The following FAM135B variants were observed in gnomAD, a reference collection of about 807,000 sequenced individuals.
FAM135B encodes the protein family with sequence similarity 135 member B.
FAM135B carries 43 observed loss-of-function variants against 127.7 expected under a neutral mutation model. The ratio of observed to expected loss-of-function variants is 0.34; its 90% CI spans 0.26 to 0.43. The LOEUF (loss-of-function observed/expected upper bound fraction) is 0.43, where lower values mean the gene tolerates loss of function less well. Among genes scored for constraint, FAM135B ranks in the 20% least tolerant of loss-of-function variants. The probability of loss-of-function intolerance (pLI) is 1.00; values close to 1 mark genes in which losing one functional copy is unlikely to be tolerated. For missense variants in FAM135B, 1,558 were observed against 1,725.6 expected (o/e 0.90, Z 1.72); for synonymous variants, 670 against 665.1 (o/e 1.01, Z -0.11).
Position 138,242,390 on chromosome 8 carries a change from T to G in FAM135B, c.669+552A>C, listed in dbSNP as rs1205882086. On this transcript the variant is annotated intron_variant, in intron 7 of 19. Transcript: ENST00000395297. This position sits in a 1 kb window ranked among gnomAD's most constrained non-coding sequence, Gnocchi z 9.6. Reference sequence around the variant, plus strand: ...CACATCACAGAAGAGCAGGGGATGTTTCCTAGGATAAAAGAACAAGGGGAA... The same window carrying G: ...CACATCACAGAAGAGCAGGGGATGTGTCCTAGGATAAAAGAACAAGGGGAA... 2.0e-5 allele frequency among the ~76,000 whole-genome samples: 3 copies of G among 152,166 alleles called. No individual in the cohort carries two copies. Among genetic ancestry groups the G allele is most frequent in the South Asian group, 4.1e-4 (2 of 4,820 alleles).
intron 9 of FAM135B, among the ~76,000 whole-genome samples, chr8:138,192,636 C>A (rs999714820): frequency 1.3e-5 from 2 of 152,164 alleles, no homozygotes; most frequent in Non-Finnish European, 2.9e-5. Context: ...GGAACAGACT[C>A]AGCGCAAGAG....
chr8:138,324,364 T>C (rs1313133722), intron 2 of FAM135B, among the ~76,000 whole-genome samples: 1 of 152,228 alleles, frequency 6.6e-6, no homozygotes, highest in Non-Finnish European at 1.5e-5. Context: ...GAGGAATTCC[T>C]TAAAAGAAAG....
intron 1 of FAM135B, among the ~76,000 whole-genome samples, chr8:138,378,734 CT>C (rs113152854): frequency 0.047 from 6,922 of 146,570 alleles, 282 homozygotes; most frequent in East Asian, 0.16. Context: ...TGTATGTTTG[CT>C]TTTTTTTTTT....
intron 1 of FAM135B, among the ~76,000 whole-genome samples, chr8:138,388,331 T>A (rs559922286): frequency 3.9e-5 from 6 of 152,332 alleles, no homozygotes; most frequent in African/African-American, 1.4e-4. Context: ...GGAAGACATT[T>A]TGACAGTTTT....
chr8:138,320,223 G>A, intron 2 of FAM135B, among the ~76,000 whole-genome samples: 1 of 152,144 alleles, frequency 6.6e-6, no homozygotes. Context: ...ATGAATACAG[G>A]CTTTCAAATT....
chr8:138,149,647 CTCA>C lies in FAM135B; in HGVS notation c.3282-964_3282-962del, dbSNP rs375306197. Among the ~76,000 whole-genome samples, 405 of 151,750 alleles carry C rather than the reference CTCA, an allele frequency of 2.7e-3. 2 individuals carry two copies. The highest frequency in any genetic ancestry group is 9.2e-3 in the African/African-American group (380 of 41,372). ...TTTCTTGTTATTATCTGTTATTAGC[CTCA>C]TCATCATCATCATCATCATCACCAT... is the stretch of plus-strand genomic sequence containing the variant. On this transcript the variant is annotated intron_variant, in intron 13 of 19. Coordinates refer to ENST00000395297, the MANE Select transcript of FAM135B (RefSeq NM_015912.4).
At position 138,241,419 on chromosome 8, in the gene FAM135B, C is replaced by T. The variant is rs554154133; in HGVS notation, c.669+1523G>A. Among the ~76,000 whole-genome samples, 9 of 152,276 alleles carry T rather than the reference C, an allele frequency of 5.9e-5. No individual in the cohort carries two copies. In the South Asian group the frequency reaches 8.3e-4, roughly 14 times the overall value. On this transcript the variant is annotated intron_variant, in intron 7 of 19. Coordinates refer to ENST00000395297, the MANE Select transcript of FAM135B (RefSeq NM_015912.4). This position sits in a 1 kb window ranked among gnomAD's most constrained non-coding sequence, Gnocchi z 4.8. ...AGAACCCCATTCTGGCTTCAGGTCC[C>T]CTCAGCAGGTTCTTGACAACTCTTT...
At chr8:138,396,679 G>T (rs1832872256) in intron 1 of FAM135B, among the ~76,000 whole-genome samples, 1 of 152,120 alleles carries the variant, frequency 6.6e-6, no homozygotes, top group Admixed American at 6.6e-5. Flanking sequence ...CCTAATAATT[G>T]GGATGCAGAT....
chr8:138,474,420 A>G (rs1814275550), intron 1 of FAM135B, among the ~76,000 whole-genome samples: 1 of 152,220 alleles, frequency 6.6e-6, no homozygotes, highest in Non-Finnish European at 1.5e-5. Flanking sequence ...TCAAGAGTTC[A>G]GTATAGACAC....
At chr8:138,145,592 G>T (rs1467376600) in intron 15 of FAM135B, among the ~76,000 whole-genome samples, 1 of 152,148 alleles carries the variant, frequency 6.6e-6, no homozygotes, top group Non-Finnish European at 1.5e-5. Context: ...CTATACCTCT[G>T]TGTACTGCAT....
intron 3 of FAM135B, 113 bp downstream of exon 3, chr8:138,310,728 A>G (rs1297317001): frequency 1.1e-6 from 1 of 919,066 alleles, no homozygotes; most frequent in East Asian, 2.7e-5. Context: ...AACATTCACC[A>G]CAGATTGACT....
chr8:138,439,549 C>T (rs2131540355), intron 1 of FAM135B: 1 of 152,152 alleles, frequency 6.6e-6, no homozygotes, highest in Non-Finnish European at 1.5e-5. Context: ...GTTGGGTTTC[C>T]CTTTGACTGG....
At chr8:138,217,607 A>T (rs558751337) in intron 7 of FAM135B, among the ~76,000 whole-genome samples, 117 of 151,604 alleles carry the variant, frequency 7.7e-4, no homozygotes, top group Non-Finnish European at 9.7e-4. Flanking sequence ...ATTTTTTTGT[A>T]TTTTTAGTAG....
At chr8:138,391,184 G>C (rs1339754553) in intron 1 of FAM135B, among the ~76,000 whole-genome samples, 1 of 144,544 alleles carries the variant, frequency 6.9e-6, no homozygotes, top group East Asian at 2.1e-4. Flanking sequence ...TGAGCTCCTT[G>C]TTTCTGGTCC....
Position 138,167,936 on chromosome 8 carries a change from G to A in FAM135B, c.1217C>T (p.Pro406Leu), listed in dbSNP as rs759111682. ...LDIDGDWNTL[P>L]VIFEDRYVDC... ...CACGTATCTGTCCTCAAAGATCACC[G>A]GCAGGGTGTTCCAATCGCCGTCGAT... Residue 406 changes from proline (P) to leucine (L), a missense_variant, in exon 12 of 20, where the codon CCG becomes CTG. By Grantham distance (98) the Pro-to-Leu change is moderately conservative. This residue lies in a region of FAM135B where 115 missense variants were observed against 171.1 expected (regional missense o/e 0.67). Coordinates refer to ENST00000395297, the MANE Select transcript of FAM135B (RefSeq NM_015912.4). 1 of 1,613,710 alleles carries A rather than the reference G, an allele frequency of 6.2e-7. No individual in the cohort carries two copies. The highest frequency in any genetic ancestry group is 8.5e-7 in the Non-Finnish European group (1 of 1,179,834).
At chr8:138,390,015 T>C (rs1832453038) in intron 1 of FAM135B, among the ~76,000 whole-genome samples, 2 of 152,212 alleles carry the variant, frequency 1.3e-5, no homozygotes, top group Non-Finnish European at 2.9e-5. Flanking sequence ...TATTTATGTT[T>C]AATGCCTGCA....
chr8:138,469,072 G>T (rs13255634), intron 1 of FAM135B, among the ~76,000 whole-genome samples: 4 of 150,428 alleles, frequency 2.7e-5, no homozygotes, highest in African/African-American at 9.8e-5. Flanking sequence ...GAAAGAGAGA[G>T]AAAAAGAAAG....
At chr8:138,419,816 C>A (rs1408245128) in intron 1 of FAM135B, among the ~76,000 whole-genome samples, 1 of 152,054 alleles carries the variant, frequency 6.6e-6, no homozygotes, top group Non-Finnish European at 1.5e-5. Context: ...AAAGATACAA[C>A]ATACCAGAAT....
Position 138,152,244 on chromosome 8 carries a change from T to C in FAM135B, c.2231A>G (p.Gln744Arg). Reference sequence around the variant, plus strand: ...AGAGCTAATGGAGGTGAGAGAAGCCTGGATGCCGCTTGGCAAACTTGTGTT... The same window carrying C: ...AGAGCTAATGGAGGTGAGAGAAGCCCGGATGCCGCTTGGCAAACTTGTGTT... ...ESNTSLPSGI[Q>R]ASLTSISSLP... The change falls in exon 13 of 20, where the codon CAG (glutamine) becomes CGG (arginine). Residue 744 changes from glutamine (Q) to arginine (R), a missense_variant. By Grantham distance (43) the Gln-to-Arg change is conservative. This residue lies in a region of FAM135B where 923 missense variants were observed against 865.3 expected (regional missense o/e 1.07). Coordinates refer to ENST00000395297, the MANE Select transcript of FAM135B (RefSeq NM_015912.4). The C allele has an allele frequency of 6.2e-7, 1 of 1,614,146 alleles. No individual in the cohort carries two copies. The highest frequency in any genetic ancestry group is 8.5e-7 in the Non-Finnish European group (1 of 1,180,038).
Sources: gnomAD v4.1 joint callset for allele counts (sites outside exome capture counted in the v4.1 genomes callset) on GRCh38, gnomAD v4.1.1 for gene constraint, gnomAD v4.1.1 regional missense constraint, Gnocchi (gnomAD v3.1) non-coding constraint, MANE v1.5 for transcripts, NCBI Gene and HGNC (gene_info 2026-07-23, HGNC 2026-07-21) for gene names.